Variants in CLRN2 observed in about 807,000 individuals in gnomAD.
The protein encoded by CLRN2 is clarin-2.
Under a neutral mutation model 20.1 loss-of-function variants are expected in CLRN2, and 17 were observed. That is an observed-to-expected ratio of 0.85 (90% CI 0.58 to 1.27). CLRN2 has a LOEUF of 1.27. Among genes scored for constraint, CLRN2 ranks in the 50% most tolerant of loss-of-function variants. The pLI is 0.00. For synonymous variants in CLRN2, 140 were observed against 126.9 expected (o/e 1.10, Z -0.70); for missense variants, 288 against 299.5 (o/e 0.96, Z 0.28).
At chr4:17,523,256 C>T (rs1221471617) in intron 2 of CLRN2, among the ~76,000 whole-genome samples, 1 of 151,318 alleles carries the variant, frequency 6.6e-6, no homozygotes, top group Non-Finnish European at 1.5e-5. Context: ...ACTTTGTCAC[C>T]CAGACTGAAG....
chr4:17,515,255 G>T lies in CLRN2; in HGVS notation c.-12G>T, dbSNP rs758747580. ...TGCTCGGAGACCTTGGGGATGACCT[G>T]CACCCACTAGCATGCCTGGATGGTT... On this transcript the variant is annotated 5_prime_UTR_variant, in exon 1 of 3. Transcript: ENST00000511148. 2 of 1,612,870 alleles carry T rather than the reference G, an allele frequency of 1.2e-6. No homozygotes were observed. The highest frequency in any genetic ancestry group is 8.5e-7 in the Non-Finnish European group (1 of 1,179,520).
intron 1 of CLRN2, among the ~76,000 whole-genome samples, chr4:17,515,819 T>C (rs1041758020): frequency 6.6e-6 from 1 of 152,244 alleles, no homozygotes; most frequent in Non-Finnish European, 1.5e-5. Flanking sequence ...TGTCAGACAT[T>C]GTAAGCACCT....
At chr4:17,524,175 G>C (rs1711901217) in intron 2 of CLRN2, among the ~76,000 whole-genome samples, 1 of 149,946 alleles carries the variant, frequency 6.7e-6, no homozygotes, top group Non-Finnish European at 1.5e-5. Flanking sequence ...TGACCATCAT[G>C]ACCTGTTTTC....
intron 1 of CLRN2, among the ~76,000 whole-genome samples, chr4:17,519,912 T>C (rs1396853071): frequency 2.0e-5 from 3 of 152,190 alleles, no homozygotes; most frequent in African/African-American, 7.2e-5. Context: ...CCTTGCTATG[T>C]TGCCCAGACT....
At chr4:17,523,862 T>G (rs1577202003) in intron 2 of CLRN2, among the ~76,000 whole-genome samples, 1 of 149,506 alleles carries the variant, frequency 6.7e-6, no homozygotes, top group African/African-American at 2.5e-5. Flanking sequence ...TCACTGGCTG[T>G]CTCAACTCTC....
At chr4:17,515,650 C>A in intron 1 of CLRN2, 131 bp downstream of exon 1, 1 of 997,178 alleles carries the variant, frequency 1.0e-6, no homozygotes, top group Non-Finnish European at 1.5e-6. Context: ...CCACAGTGAG[C>A]CAAGGGTTCT....
intron 2 of CLRN2, among the ~76,000 whole-genome samples, chr4:17,525,976 G>C (rs764079023): frequency 2.2e-4 from 33 of 152,036 alleles, no homozygotes; most frequent in Non-Finnish European, 4.7e-4. Flanking sequence ...AGGAAGAGAG[G>C]GGGAGAGAGA....
chr4:17,515,556 A>C, intron 1 of CLRN2, 37 bp downstream of exon 1: 1 of 1,602,664 alleles, frequency 6.2e-7, no homozygotes, highest in African/African-American at 1.3e-5. Context: ...GATTCTAGGC[A>C]CTCATTTTTG....
At chr4:17,524,235 T>TGC (rs1553877009) in intron 2 of CLRN2, among the ~76,000 whole-genome samples, 10 of 140,058 alleles carry the variant, frequency 7.1e-5, no homozygotes, top group South Asian at 4.5e-4. Flanking sequence ...TGTGTGTGTG[T>TGC]GCGCGCGCAT....
intron 1 of CLRN2, among the ~76,000 whole-genome samples, chr4:17,518,641 A>T (rs1711755145): frequency 6.6e-6 from 1 of 152,104 alleles, no homozygotes; most frequent in Admixed American, 6.5e-5. Context: ...GGTGCCTGTA[A>T]TCCCAGCTAC....
chr4:17,526,630 G>T (rs1034125231), intron 2 of CLRN2, among the ~76,000 whole-genome samples, 187 bp from the exon 3 acceptor site: 1 of 152,160 alleles, frequency 6.6e-6, no homozygotes, highest in East Asian at 1.9e-4. Flanking sequence ...CTCTTTCCCC[G>T]CACAATCCTG....
intron 1 of CLRN2, among the ~76,000 whole-genome samples, chr4:17,519,814 A>G (rs1711790471): frequency 6.6e-6 from 1 of 152,184 alleles, no homozygotes; most frequent in Admixed American, 6.5e-5. Context: ...GAAAGTAGAA[A>G]GAACTGGTGC....
intron 1 of CLRN2, among the ~76,000 whole-genome samples, chr4:17,520,723 T>A (rs1400383390): frequency 1.3e-5 from 2 of 152,166 alleles, no homozygotes; most frequent in East Asian, 1.9e-4. Context: ...AAGGGGATAA[T>A]GAAACAATTT....
rs1209247614 is a variant in CLRN2 at position 17,515,232 on chromosome 4, C to G, written c.-35C>G. ...AAGATGTCAATGACCCTCGCTGCTGCTCGGAGACCTTGGGGATGACCTGCA... is the reference window on the plus strand; with the variant it reads ...AAGATGTCAATGACCCTCGCTGCTGGTCGGAGACCTTGGGGATGACCTGCA... On this transcript the variant is annotated 5_prime_UTR_variant, in exon 1 of 3. Coordinates refer to ENST00000511148, the MANE Select transcript of CLRN2 (RefSeq NM_001079827.2). 1 of 1,606,988 alleles carries G rather than the reference C, an allele frequency of 6.2e-7. No individual in the cohort carries two copies. Among genetic ancestry groups the G allele is most frequent in the Admixed American group, 1.7e-5 (1 of 59,810 alleles).
At chr4:17,519,882 A>G (rs1711791923) in intron 1 of CLRN2, among the ~76,000 whole-genome samples, 1 of 152,148 alleles carries the variant, frequency 6.6e-6, no homozygotes, top group African/African-American at 2.4e-5. Context: ...TTTAAAAAAT[A>G]ATTTAATTTA....
chr4:17,522,760 C>A, intron 1 of CLRN2, 104 bp from the exon 2 acceptor site: 2 of 1,221,310 alleles, frequency 1.6e-6, no homozygotes, highest in Non-Finnish European at 2.3e-6. Context: ...TGCTGTCTTG[C>A]CCTCACCCCT....
intron 2 of CLRN2, among the ~76,000 whole-genome samples, chr4:17,523,424 A>C (rs929385021): frequency 6.6e-6 from 1 of 151,994 alleles, no homozygotes; most frequent in Non-Finnish European, 1.5e-5. Context: ...CATGTTGCCC[A>C]GGCTAGTCTC....
Position 17,527,060 on chromosome 4 carries a change from C to T in CLRN2, c.677C>T (p.Thr226Ile). 1 of 1,614,000 alleles carries T rather than the reference C, an allele frequency of 6.2e-7. No homozygotes were observed. Among genetic ancestry groups the T allele is most frequent in the Non-Finnish European group, 8.5e-7 (1 of 1,179,892 alleles). Reference protein sequence around the residue: ...IKTKIEEATVTAEDILY With the variant: ...IKTKIEEATVIAEDILY ...ACCAAAATCGAAGAGGCCACGGTCACAGCTGAGGATATCTTGTATTAATAG... is the reference window on the plus strand; with the variant it reads ...ACCAAAATCGAAGAGGCCACGGTCATAGCTGAGGATATCTTGTATTAATAG... The change falls in exon 3 of 3, where the codon ACA becomes ATA. Residue 226 changes from threonine (T) to isoleucine (I), a missense_variant. Thr to Ile is a moderately conservative substitution (Grantham distance 89). Coordinates refer to ENST00000511148, the MANE Select transcript of CLRN2 (RefSeq NM_001079827.2).
chr4:17,519,231 TATGCTGATAGAATG>T (rs1347570530), intron 1 of CLRN2, among the ~76,000 whole-genome samples: 3 of 152,158 alleles, frequency 2.0e-5, no homozygotes, highest in East Asian at 1.9e-4. Flanking sequence ...AGATGCATCA[TATGCTGATAGAATG>T]ATGCTGATAG....
Sources: allele counts gnomAD v4.1 joint callset (sites outside exome capture counted in the v4.1 genomes callset), GRCh38; gene constraint gnomAD v4.1.1; transcripts MANE v1.5; gene names NCBI Gene and HGNC (gene_info 2026-07-23, HGNC 2026-07-21).